UBE2W: variants seen among roughly 807,000 people sequenced by gnomAD.
UBE2W encodes the protein ubiquitin-conjugating enzyme E2 W.
In UBE2W, 18 loss-of-function variants were observed where a neutral mutation model predicts 27.2. The observed-to-expected ratio is 0.66, with a 90% CI of 0.46 to 0.98. The LOEUF (loss-of-function observed/expected upper bound fraction) is 0.98. UBE2W is among the 50% of genes least tolerant of loss of function. The pLI, the probability that UBE2W is intolerant of heterozygous loss-of-function variation, is 0.00. For synonymous variants in UBE2W, 53 were observed against 57.2 expected (o/e 0.93, Z 0.33); for missense variants, 90 against 180.2 (o/e 0.50, Z 2.87).
chr8:73,822,602 C>CAAAAAAAAAAAAAAAAAAAAAAAAAAAAA (rs67427702), intron 3 of UBE2W, among the ~76,000 whole-genome samples: 1 of 51,224 alleles, frequency 2.0e-5, no homozygotes, highest in Non-Finnish European at 3.6e-5. Flanking sequence ...CTTGCAACTG[C>CAAAAAAAAAAAAAAAAAAAAAAAAAAAAA]AAAAAAAAAA....
chr8:73,800,421 G>C (rs2130855003), intron 5 of UBE2W, among the ~76,000 whole-genome samples: 1 of 152,020 alleles, frequency 6.6e-6, no homozygotes, highest in South Asian at 2.1e-4. Flanking sequence ...ATGAACCAAG[G>C]ATATTTTAAA....
At chr8:73,816,777 A>T (rs1809404263) in intron 3 of UBE2W, among the ~76,000 whole-genome samples, 1 of 152,254 alleles carries the variant, frequency 6.6e-6, no homozygotes, top group African/African-American at 2.4e-5. Flanking sequence ...TCAAGCCTGT[A>T]ATCCCAGCAG....
chr8:73,793,426 A>C lies in UBE2W; in HGVS notation c.*676T>G. Reference sequence around the variant, plus strand: ...AATTTATTTTCACCATAGGGATAACATACTGTACCTCTCTGCCAATGTTAC... The same window carrying C: ...AATTTATTTTCACCATAGGGATAACCTACTGTACCTCTCTGCCAATGTTAC... On this transcript the variant is annotated 3_prime_UTR_variant, in exon 6 of 6. Coordinates refer to ENST00000602593, the MANE Select transcript of UBE2W (RefSeq NM_018299.6). 1.0e-6 allele frequency: 1 copy of C among 985,866 alleles called. No individual in the cohort carries two copies. Among genetic ancestry groups the C allele is most frequent in the Non-Finnish European group, 1.2e-6 (1 of 829,922 alleles). The allele number at this position is 985,866 out of a possible 1,614,324, so 61.1% of individuals were successfully genotyped here.
At chr8:73,817,728 G>T (rs1299365654) in intron 3 of UBE2W, among the ~76,000 whole-genome samples, 4 of 152,130 alleles carry the variant, frequency 2.6e-5, no homozygotes, top group Non-Finnish European at 5.9e-5. Flanking sequence ...GGCCAGGTTG[G>T]TCTCAAACTC....
intron 5 of UBE2W, among the ~76,000 whole-genome samples, chr8:73,795,268 T>C (rs1445968426): frequency 1.3e-5 from 2 of 152,080 alleles, no homozygotes; most frequent in African/African-American, 4.8e-5. Flanking sequence ...GGTGTTCGGG[T>C]CATGGGGGCA....
At chr8:73,849,116 C>T (rs561850977) in intron 1 of UBE2W, among the ~76,000 whole-genome samples, 142 of 152,296 alleles carry the variant, frequency 9.3e-4, no homozygotes, top group African/African-American at 3.2e-3. Context: ...GGTGTTAACA[C>T]TGTTTCTTTC....
chr8:73,818,071 T>C (rs547162408), intron 3 of UBE2W, among the ~76,000 whole-genome samples: 3 of 152,352 alleles, frequency 2.0e-5, no homozygotes, highest in Admixed American at 6.5e-5. Flanking sequence ...GGCCCAGTTC[T>C]ACCAGTTCAA....
At chr8:73,810,654 A>G in intron 3 of UBE2W, 25 bp from the exon 4 acceptor site, 1 of 1,514,744 alleles carries the variant, frequency 6.6e-7, no homozygotes, top group Non-Finnish European at 8.8e-7. Flanking sequence ...AATTCCATTA[A>G]AACTCAAATA....
At chr8:73,805,464 A>ACAAAAAAC (rs1563577895) in intron 5 of UBE2W, among the ~76,000 whole-genome samples, 187 bp downstream of exon 5, 2 of 124,624 alleles carry the variant, frequency 1.6e-5, no homozygotes, top group Non-Finnish European at 3.7e-5. Context: ...CAAAAAAAAA[A>ACAAAAAAC]AAAAAAACAA....
chr8:73,848,951 C>T (rs907196366), intron 1 of UBE2W, among the ~76,000 whole-genome samples: 5 of 151,610 alleles, frequency 3.3e-5, no homozygotes, highest in East Asian at 1.9e-4. Context: ...CATAACTCCA[C>T]GAATATATTA....
intron 5 of UBE2W, among the ~76,000 whole-genome samples, 179 bp downstream of exon 5, chr8:73,805,472 C>CAAACAAAAAAAAAAAAACAAACAAAA (rs1254739442): frequency 1.1e-4 from 5 of 43,676 alleles, no homozygotes; most frequent in Non-Finnish European, 2.5e-4. Context: ...AAAAAAAAAA[C>CAAACAAAAAAAAAAAAACAAACAAAA]AAAAAAAACT....
intron 1 of UBE2W, among the ~76,000 whole-genome samples, chr8:73,839,635 C>A (rs1026948003): frequency 1.3e-5 from 2 of 150,666 alleles, no homozygotes; most frequent in African/African-American, 4.9e-5. Context: ...CCAGCCTGGG[C>A]GACAGCACAA....
chr8:73,876,590 G>T (rs1364418099), intron 1 of UBE2W, among the ~76,000 whole-genome samples: 1 of 152,156 alleles, frequency 6.6e-6, no homozygotes, highest in African/African-American at 2.4e-5. Flanking sequence ...ACTTAAAAGG[G>T]TGGTAAGAGT....
At chr8:73,795,496 T>C (rs546108120) in intron 5 of UBE2W, among the ~76,000 whole-genome samples, 1 of 152,204 alleles carries the variant, frequency 6.6e-6, no homozygotes, top group Non-Finnish European at 1.5e-5. Flanking sequence ...TTCCAAACTG[T>C]GAGCCAAATA....
chr8:73,815,192 C>CA (rs2130881885), intron 3 of UBE2W, among the ~76,000 whole-genome samples: 1 of 152,158 alleles, frequency 6.6e-6, no homozygotes, highest in South Asian at 2.1e-4. Context: ...GCCTGGGTAA[C>CA]AAAGTAAGAT....
intron 1 of UBE2W, among the ~76,000 whole-genome samples, chr8:73,876,460 CAAATAA>C (rs1812225511): frequency 6.6e-6 from 1 of 151,842 alleles, no homozygotes; most frequent in Non-Finnish European, 1.5e-5. Flanking sequence ...TTTTAAAATA[CAAATAA>C]AAAGGGAAAG....
intron 1 of UBE2W, among the ~76,000 whole-genome samples, chr8:73,870,061 G>A (rs1469593908): frequency 6.6e-6 from 1 of 152,164 alleles, no homozygotes; most frequent in Non-Finnish European, 1.5e-5. Flanking sequence ...TGATGAAAAT[G>A]TTCTGCAAAC....
chr8:73,837,634 T>C (rs1288100500), intron 1 of UBE2W, among the ~76,000 whole-genome samples: 2 of 152,252 alleles, frequency 1.3e-5, no homozygotes, highest in African/African-American at 4.8e-5. Context: ...ATATATACTT[T>C]GTAGAGACAG....
chr8:73,845,232 A>C (rs1285874110), intron 1 of UBE2W, among the ~76,000 whole-genome samples: 4 of 152,222 alleles, frequency 2.6e-5, no homozygotes, highest in Non-Finnish European at 5.9e-5. Context: ...CTCATTGAGA[A>C]CGGGCCATGA....
Sources: gnomAD v4.1 joint callset for allele counts (sites outside exome capture counted in the v4.1 genomes callset) on GRCh38, gnomAD v4.1.1 for gene constraint, MANE v1.5 for transcripts, NCBI Gene and HGNC (gene_info 2026-07-23, HGNC 2026-07-21) for gene names.